The following SLC25A26 variants were observed in gnomAD, a reference collection of about 807,000 sequenced individuals.
The protein encoded by SLC25A26 is solute carrier family 25 member 26, also known as mitochondrial S-adenosylmethionine carrier protein.
In SLC25A26, 36 loss-of-function variants were observed where a neutral mutation model predicts 37.8. That is an observed-to-expected ratio of 0.95 (90% CI 0.73 to 1.26). SLC25A26 has a LOEUF of 1.26. Among genes scored for constraint, SLC25A26 ranks in the 50% most tolerant of loss-of-function variants. SLC25A26 has a pLI of 0.00. For missense variants in SLC25A26, 390 were observed against 331.1 expected, an observed-to-expected ratio of 1.18 and a Z score of -1.38; for synonymous variants, 129 against 122.5, an observed-to-expected ratio of 1.05 and a Z score of -0.35.
chr3:66,273,565 CAAAATCAATGTACA>C (rs1486972084), intron 5 of SLC25A26, among the ~76,000 whole-genome samples: 2 of 152,110 alleles, frequency 1.3e-5, no homozygotes, highest in African/African-American at 4.8e-5. Flanking sequence ...TCTCAGGATA[CAAAATCAATGTACA>C]AAAATCACAA....
chr3:66,286,498 T>C (rs923616448), intron 5 of SLC25A26, among the ~76,000 whole-genome samples: 2 of 152,134 alleles, frequency 1.3e-5, no homozygotes, highest in African/African-American at 4.8e-5. Flanking sequence ...AAAAAATCAG[T>C]TGGCCAGATT....
chr3:66,363,624 C>T (rs183962392), intron 7 of SLC25A26, among the ~76,000 whole-genome samples: 5 of 152,216 alleles, frequency 3.3e-5, no homozygotes, highest in Admixed American at 1.3e-4. Context: ...GTTGTTACAA[C>T]GTTAAATTAG....
intron 6 of SLC25A26, among the ~76,000 whole-genome samples, chr3:66,361,867 T>C (rs898879920): frequency 2.0e-5 from 3 of 152,016 alleles, no homozygotes; most frequent in African/African-American, 7.3e-5. Context: ...CTCAGGAGGC[T>C]GAGGCAGGAG....
chr3:66,308,829 G>T (rs2075298676), intron 5 of SLC25A26, among the ~76,000 whole-genome samples: 1 of 152,182 alleles, frequency 6.6e-6, no homozygotes, highest in African/African-American at 2.4e-5. Flanking sequence ...TTATGTGATG[G>T]ATTATGTTTA....
chr3:66,263,271 A>G, intron 4 of SLC25A26, 61 bp from the exon 5 acceptor site: 1 of 1,253,452 alleles, frequency 8.0e-7, no homozygotes, highest in Non-Finnish European at 1.2e-6. Flanking sequence ...TGCTGTATAC[A>G]GAATGTCCTT....
At chr3:66,164,847 G>A (rs1448793355) in intron 1 of SLC25A26, among the ~76,000 whole-genome samples, 1 of 152,148 alleles carries the variant, frequency 6.6e-6, no homozygotes, top group Non-Finnish European at 1.5e-5. Flanking sequence ...TTATCATGGT[G>A]GTAACTGGAT....
intron 5 of SLC25A26, among the ~76,000 whole-genome samples, chr3:66,310,644 C>T (rs1021614515): frequency 3.3e-5 from 5 of 152,132 alleles, no homozygotes; most frequent in Admixed American, 1.3e-4. Context: ...TTTTCCTTTC[C>T]ATATTTAGCA....
At position 66,243,285 on chromosome 3, in the gene SLC25A26, T is replaced by A. The variant is rs2072671251; in HGVS notation, c.273T>A (p.His91Gln). Residue 91 changes from histidine to glutamine, a missense_variant, in exon 3 of 10, where the codon CAT becomes CAA. By Grantham distance (24) the His-to-Gln change is conservative (BLOSUM62 0). Coordinates refer to ENST00000354883, the MANE Select transcript of SLC25A26 (RefSeq NM_001379210.1). ...DSSSYLTPMK[H>Q]MLAASAGEVV... ...CTTCATATTTGACACCTATGAAACA[T>A]ATGTTGGCTGCCTCTGCTGGAGAAG... The A allele has an allele frequency of 6.2e-7, 1 of 1,605,788 alleles. No individual in the cohort carries two copies. Among genetic ancestry groups the A allele is most frequent in the South Asian group, 1.1e-5 (1 of 90,026 alleles).
intron 5 of SLC25A26, among the ~76,000 whole-genome samples, chr3:66,300,065 A>G (rs1033438858): frequency 6.6e-6 from 1 of 152,136 alleles, no homozygotes; most frequent in Non-Finnish European, 1.5e-5. Flanking sequence ...AATTGCTTTT[A>G]AAGTCTTTGA....
chr3:66,303,261 T>C (rs1429050027), intron 5 of SLC25A26, among the ~76,000 whole-genome samples: 2 of 152,172 alleles, frequency 1.3e-5, no homozygotes, highest in East Asian at 1.9e-4. Context: ...AGAGGAGATA[T>C]ACTTCTCTCC....
At chr3:66,265,470 A>G (rs1479257100) in intron 5 of SLC25A26, among the ~76,000 whole-genome samples, 1 of 152,186 alleles carries the variant, frequency 6.6e-6, no homozygotes, top group East Asian at 1.9e-4. Flanking sequence ...GTTAAAGAAA[A>G]TACAAGTGAG....
intron 3 of SLC25A26, among the ~76,000 whole-genome samples, chr3:66,249,483 G>A (rs1224084583): frequency 6.6e-6 from 1 of 152,142 alleles, no homozygotes; most frequent in Admixed American, 6.5e-5. Flanking sequence ...CCCTAGTTGT[G>A]GCTTAAGCTG....
intron 5 of SLC25A26, among the ~76,000 whole-genome samples, chr3:66,338,617 G>A (rs538045834): frequency 6.6e-6 from 1 of 152,044 alleles, no homozygotes; most frequent in African/African-American, 2.4e-5. Context: ...TCACAGTGTT[G>A]TGTAACAGTC....
intron 7 of SLC25A26, among the ~76,000 whole-genome samples, chr3:66,368,115 A>C (rs2076865272): frequency 6.6e-6 from 1 of 152,208 alleles, no homozygotes; most frequent in Non-Finnish European, 1.5e-5. Context: ...CATCATAATT[A>C]GATATTTGGC....
chr3:66,331,042 CTCT>C (rs1403351440), intron 5 of SLC25A26, among the ~76,000 whole-genome samples: 2 of 151,948 alleles, frequency 1.3e-5, no homozygotes, highest in African/African-American at 4.8e-5. Flanking sequence ...TGGAAACTAT[CTCT>C]TCTTTTAAGA....
intron 5 of SLC25A26, among the ~76,000 whole-genome samples, chr3:66,266,927 A>G (rs2073776364): frequency 6.6e-6 from 1 of 152,218 alleles, no homozygotes; most frequent in African/African-American, 2.4e-5. Context: ...TTATAGAGGA[A>G]GAAAGCAGAG....
At chr3:66,347,529 A>T (rs1257396152) in intron 6 of SLC25A26, among the ~76,000 whole-genome samples, 1 of 152,200 alleles carries the variant, frequency 6.6e-6, no homozygotes, top group Non-Finnish European at 1.5e-5. Flanking sequence ...GTTGGTGGGA[A>T]TGTAAATTAG....
intron 5 of SLC25A26, among the ~76,000 whole-genome samples, chr3:66,263,816 G>A (rs1023096087): frequency 2.0e-5 from 3 of 151,964 alleles, no homozygotes; most frequent in South Asian, 2.1e-4. Context: ...CCACCAGCAC[G>A]CCCAGTTGAT....
chr3:66,262,294 T>C (rs2073561853), intron 4 of SLC25A26, 139 bp downstream of exon 4: 1 of 461,302 alleles, frequency 2.2e-6, no homozygotes, highest in African/African-American at 2.0e-5. Flanking sequence ...AAATTTTTGC[T>C]AAGATTATCT....
Sources: gnomAD v4.1 joint callset for allele counts (sites outside exome capture counted in the v4.1 genomes callset) on GRCh38, gnomAD v4.1.1 for gene constraint, MANE v1.5 for transcripts, NCBI Gene and HGNC (gene_info 2026-07-23, HGNC 2026-07-21) for gene names.